The following ULK1 variants were observed in gnomAD, a reference collection of about 807,000 sequenced individuals.
ULK1 encodes serine/threonine-protein kinase ULK1.
A neutral mutation model predicts 117.5 loss-of-function variants in ULK1; 48 were observed. The observed-to-expected ratio is 0.41, with a 90% CI of 0.32 to 0.52. The LOEUF (loss-of-function observed/expected upper bound fraction) is 0.52, where lower values mean the gene tolerates loss of function less well. Ranked by LOEUF, ULK1 falls within the 20% of genes least tolerant of loss-of-function variation. ULK1 has a pLI of 0.29. For missense variants in ULK1, 1,387 were observed against 1,473.4 expected, an observed-to-expected ratio of 0.94 and a Z score of 0.96; for synonymous variants, 790 against 637.8, an observed-to-expected ratio of 1.24 and a Z score of -3.60.
In ULK1 at chr12:131,914,366, TCTC is replaced by T. The variant is rs768931309; in HGVS notation, c.1264_1266del (p.Ser424del). ...CTCCACCACAGCCGGGCTGGCCCGT[TCTC>T]CAGCAGCAGGTGCGGCGCCTCTGTC... On this transcript the variant is annotated inframe_deletion, in exon 16 of 28. Transcript: ENST00000321867. 5.6e-5 allele frequency: 90 copies of T among 1,611,380 alleles called. No individual in the cohort carries two copies. The highest frequency in any genetic ancestry group is 7.4e-5 in the Non-Finnish European group (87 of 1,179,932).
intron 11 of ULK1, 61 bp downstream of exon 11, chr12:131,910,365 G>T: frequency 6.2e-7 from 1 of 1,606,744 alleles, no homozygotes; most frequent in Non-Finnish European, 8.5e-7. Context: ...TCCTCCCCGG[G>T]TTTGGTTAGG....
Position 131,918,620 on chromosome 12 carries a change from C to G in ULK1, c.2450C>G (p.Ala817Gly). The change falls in exon 23 of 28, where the codon GCG (alanine) becomes GGG (glycine). Residue 817 changes from alanine (A) to glycine (G), a missense_variant. By Grantham distance (60) the Ala-to-Gly change is moderately conservative. This residue lies in a region of ULK1 where 900 missense variants were observed against 858.9 expected (regional missense o/e 1.05). Coordinates refer to ENST00000321867, the MANE Select transcript of ULK1 (RefSeq NM_003565.4). ...HGCSFADPIT[A>G]NLEGAVTFEA... ...TGCAGCTTTGCCGACCCCATTACTG[C>G]GAACCTGGAGGGGGCTGTGACCTTC... 1.2e-6 allele frequency: 2 copies of G among 1,610,144 alleles called. No individual in the cohort carries two copies. Among genetic ancestry groups the G allele is most frequent in the South Asian group, 1.1e-5 (1 of 90,632 alleles).
chr12:131,906,650 G>C (rs1366271810), intron 3 of ULK1: 1 of 582,082 alleles, frequency 1.7e-6, no homozygotes, highest in Non-Finnish European at 3.1e-6. Flanking sequence ...AGGAGCTGTT[G>C]CTCTTATGGG....
intron 13 of ULK1, among the ~76,000 whole-genome samples, chr12:131,912,438 T>C (rs567509569): frequency 6.6e-5 from 10 of 152,340 alleles, no homozygotes; most frequent in Non-Finnish European, 1.3e-4. Flanking sequence ...CTCTACACCC[T>C]GCAGGTGGGT....
At chr12:131,912,934 G>T (rs1204858958) in intron 13 of ULK1, among the ~76,000 whole-genome samples, 1 of 152,198 alleles carries the variant, frequency 6.6e-6, no homozygotes, top group Non-Finnish European at 1.5e-5. Context: ...GGTCTCTGGG[G>T]CTGAGGAGAC....
At chr12:131,906,102 C>CTCACTCTCTCGCCCAGGCGTCTTT (rs1889263044) in intron 3 of ULK1, among the ~76,000 whole-genome samples, 1 of 149,816 alleles carries the variant, frequency 6.7e-6, no homozygotes, top group Non-Finnish European at 1.5e-5. Flanking sequence ...TTGGCGTCTT[C>CTCACTCTCTCGCCCAGGCGTCTTT]TTTTTTTTTG....
At chr12:131,905,153 C>G (rs1221105508) in intron 3 of ULK1, among the ~76,000 whole-genome samples, 1 of 152,164 alleles carries the variant, frequency 6.6e-6, no homozygotes, top group Non-Finnish European at 1.5e-5. Flanking sequence ...GTCTGTGGAT[C>G]CTGGGGTTGC....
chr12:131,905,325 T>TC (rs768096925), intron 3 of ULK1, among the ~76,000 whole-genome samples: 7 of 152,044 alleles, frequency 4.6e-5, no homozygotes, highest in African/African-American at 4.8e-5. Context: ...TTTGCGGCTG[T>TC]CCCCCCCACC....
In ULK1 at chr12:131,917,009, A is replaced by T; in HGVS notation, c.2129A>T (p.Gln710Leu). ...DLLLKAAFGT[Q>L]APDPGSTESL... ...CTCCTTAAGGCGGCGTTTGGGACAC[A>T]AGCCCCGGACCCGGGCAGCACGGAG... The change falls in exon 21 of 28, where the codon CAA becomes CTA. Residue 710 changes from glutamine (Q) to leucine (L), a missense_variant. Around this residue, in one of 4 missense-constraint regions of ULK1, gnomAD observed 900 missense variants for 858.9 expected, o/e 1.05. Coordinates refer to ENST00000321867, the MANE Select transcript of ULK1 (RefSeq NM_003565.4). The T allele has an allele frequency of 6.4e-7, 1 of 1,571,126 alleles. No individual in the cohort carries two copies. Among genetic ancestry groups the T allele is most frequent in the Non-Finnish European group, 8.7e-7 (1 of 1,155,418 alleles).
At chr12:131,914,325 C>T in intron 15 of ULK1, 27 bp from the exon 16 acceptor site, 1 of 1,604,464 alleles carries the variant, frequency 6.2e-7, no homozygotes, top group South Asian at 1.1e-5. Context: ...CAGTGTCTGT[C>T]ATGATCCTGA....
chr12:131,896,131 G>T (rs951777449), intron 3 of ULK1, among the ~76,000 whole-genome samples: 2 of 152,168 alleles, frequency 1.3e-5, no homozygotes, highest in Admixed American at 1.3e-4. Context: ...GGCGTCCCCG[G>T]CTGGCCCTGG....
chr12:131,916,654 TCTG>T, intron 20 of ULK1, 63 bp downstream of exon 20: 2 of 1,440,986 alleles, frequency 1.4e-6, no homozygotes, highest in South Asian at 1.4e-5. Flanking sequence ...CCTGCATTGT[TCTG>T]CTGGGTACTT....
intron 8 of ULK1, 32 bp from the exon 9 acceptor site, chr12:131,909,743 C>T: frequency 1.9e-6 from 3 of 1,572,142 alleles, no homozygotes; most frequent in Non-Finnish European, 2.6e-6. Context: ...TCGGCCGCAG[C>T]CCTGGCAGTC....
chr12:131,910,962 G>A (rs542632724), intron 12 of ULK1, among the ~76,000 whole-genome samples, 162 bp downstream of exon 12: 59 of 152,324 alleles, frequency 3.9e-4, no homozygotes, highest in African/African-American at 1.3e-3. Flanking sequence ...CCCCACAAAC[G>A]GGTGACAGCC....
At chr12:131,895,464 A>G (rs1286405736) in intron 1 of ULK1, 137 bp from the exon 2 acceptor site, 5 of 724,780 alleles carry the variant, frequency 6.9e-6, no homozygotes, top group Admixed American at 2.6e-5. Flanking sequence ...GCGATCCTCA[A>G]CCTGGCTCCC....
In ULK1 at chr12:131,909,234, C is replaced by T. The variant is rs761747976; in HGVS notation, c.663C>T (p.Phe221=). Residue 221 remains phenylalanine (F), a synonymous_variant, in exon 8 of 28, where the codon TTC becomes TTT. Coordinates refer to ENST00000321867, the MANE Select transcript of ULK1 (RefSeq NM_003565.4). ...AGTGCCTGACGGGGAAGGCGCCCTT[C>T]CAGGTAACTGGGCTTGGCCCTGCTC... ...VYQCLTGKAP[F]QASSPQDLRL... 4.5e-5 allele frequency: 72 copies of T among 1,594,316 alleles called. No individual in the cohort carries two copies. Among genetic ancestry groups the T allele is most frequent in the Non-Finnish European group, 5.5e-5 (65 of 1,171,428 alleles).
chr12:131,899,175 A>C (rs763996001), intron 3 of ULK1, among the ~76,000 whole-genome samples: 3 of 147,386 alleles, frequency 2.0e-5, no homozygotes, highest in Admixed American at 1.4e-4. Context: ...CCTGCCTGAT[A>C]TATTTCTATA....
Position 131,919,388 on chromosome 12 carries a change from G to C in ULK1, c.2684+4G>C. On this transcript the variant is annotated splice_donor_region_variant and intron_variant, in intron 24 of 27. Transcript: ENST00000321867. The stretch of plus-strand genomic sequence containing the variant: ...GCCTGCTGAGCCGAGAATGGGGGTG[G>C]GTGCCGCCAGGGCTGGGGTGGGGCG... The C allele has an allele frequency of 6.5e-7, 1 of 1,550,188 alleles. No homozygotes were observed. The highest frequency in any genetic ancestry group is 8.7e-7 in the Non-Finnish European group (1 of 1,146,226).
intron 22 of ULK1, 141 bp downstream of exon 22, chr12:131,917,695 G>A: frequency 2.3e-6 from 2 of 859,938 alleles, no homozygotes; most frequent in Non-Finnish European, 3.1e-6. Flanking sequence ...TCAGGCCCCT[G>A]AGAAACCCCT....
Sources: allele counts gnomAD v4.1 joint callset (sites outside exome capture counted in the v4.1 genomes callset), GRCh38; gene constraint gnomAD v4.1.1; regional missense constraint gnomAD v4.1.1; transcripts MANE v1.5; gene names NCBI Gene and HGNC (gene_info 2026-07-23, HGNC 2026-07-21).